Variants in SON observed in about 807,000 individuals in gnomAD.
SON encodes the protein protein SON.
Under a neutral mutation model 173.3 loss-of-function variants are expected in SON, and 4 were observed. The ratio of observed to expected loss-of-function variants is 0.02; its 90% CI spans 0.01 to 0.05. SON has a LOEUF of 0.05. Ranked by LOEUF, SON falls within the 10% of genes least tolerant of loss-of-function variation. SON has a pLI of 1.00. For missense variants in SON, 2,626 were observed against 3,055.3 expected (o/e 0.86, Z 3.31); for synonymous variants, 1,190 against 1,105.9 (o/e 1.08, Z -1.51).
chr21:33,565,001 A>C (rs1333165300), intron 6 of SON, among the ~76,000 whole-genome samples: 1 of 152,176 alleles, frequency 6.6e-6, no homozygotes, highest in African/African-American at 2.4e-5. Context: ...CATAGTTGTA[A>C]TTTTATTTAA....
In SON at chr21:33,554,560, G is replaced by C; in HGVS notation, c.5329G>C (p.Glu1777Gln). The C allele has an allele frequency of 6.2e-7, 1 of 1,613,998 alleles. No homozygotes were observed. Among genetic ancestry groups the C allele is most frequent in the Non-Finnish European group, 8.5e-7 (1 of 1,180,040 alleles). Reference protein sequence around the residue: ...AASPVVSSMPERASESSSEEK... With the variant: ...AASPVVSSMPQRASESSSEEK... ...CAGCCCGGTTGTAAGTAGTATGCCA[G>C]AAAGAGCTTCAGAGTCTTCTTCAGA... The change falls in exon 3 of 12, where the codon GAA (glutamate) becomes CAA (glutamine). Residue 1777 changes from glutamate to glutamine, a missense_variant. Physicochemically the swap from Glu to Gln is conservative, Grantham distance 29. Transcript: ENST00000356577.
intron 8 of SON, chr21:33,569,536 C>T (rs1239494023): frequency 2.0e-5 from 8 of 397,730 alleles, no homozygotes; most frequent in Non-Finnish European, 4.1e-5. Context: ...ATTTTCCATT[C>T]CTCTATTCCT....
rs2085824336 is a variant in SON at position 33,552,459 on chromosome 21, C to G, written c.3228C>G (p.Ser1076=). Residue 1076 remains serine, a synonymous_variant, in exon 3 of 12, where the codon TCC becomes TCG. Coordinates refer to ENST00000356577, the MANE Select transcript of SON (RefSeq NM_138927.4). The surrounding 1 kb of genome is among the most constrained non-coding windows in gnomAD (Gnocchi z 5.6). ...MMSAYERSMM[S]PMADRSMMSM... ...CAGCTTATGAACGCTCCATGATGTCCCCAATGGCTGATCGATCTATGATGT... is the reference window on the plus strand; with the variant it reads ...CAGCTTATGAACGCTCCATGATGTCGCCAATGGCTGATCGATCTATGATGT... 2 of 1,613,954 alleles carry G rather than the reference C, an allele frequency of 1.2e-6. No homozygotes were observed. Among genetic ancestry groups the G allele is most frequent in the Non-Finnish European group, 1.7e-6 (2 of 1,179,982 alleles).
At chr21:33,546,926 A>G (rs988181944) in intron 2 of SON, 2 of 151,992 alleles carry the variant, frequency 1.3e-5, no homozygotes, top group African/African-American at 2.4e-5. Flanking sequence ...TATAATTTTT[A>G]TTTTTGACTT....
chr21:33,569,350 T>G, intron 8 of SON: 1 of 403,728 alleles, frequency 2.5e-6, no homozygotes, highest in Admixed American at 4.2e-5. Context: ...TGATTTAACT[T>G]TATTTTGAAC....
chr21:33,566,453 GA>G (rs1200560536), intron 6 of SON, among the ~76,000 whole-genome samples: 1 of 152,084 alleles, frequency 6.6e-6, no homozygotes, highest in Non-Finnish European at 1.5e-5. Context: ...TTAAAAGGTA[GA>G]ATATGAGCTT....
In SON at chr21:33,551,288, C is replaced by T. The variant is rs766074615; in HGVS notation, c.2057C>T (p.Thr686Met). 38 of 1,613,994 alleles carry T rather than the reference C, an allele frequency of 2.4e-5. No individual in the cohort carries two copies. The highest frequency in any genetic ancestry group is 5.0e-5 in the Admixed American group (3 of 60,006). ...ACGACAGCGCTGGAATCCTATAATA[C>T]GGTAGCACAGGAGCTGCCTACTACA... ...PSTTALESYN[T>M]VAQELPTTLV... The change falls in exon 3 of 12, where the codon ACG (threonine) becomes ATG (methionine). Residue 686 changes from threonine (T) to methionine (M), a missense_variant. Thr to Met is a moderately conservative substitution (Grantham distance 81). Around this residue, in one of 13 missense-constraint regions of SON, gnomAD observed 182 missense variants for 193.6 expected, o/e 0.94. Transcript: ENST00000356577.
intron 6 of SON, among the ~76,000 whole-genome samples, chr21:33,562,958 G>A (rs1303134759): frequency 1.3e-5 from 2 of 152,048 alleles, no homozygotes; most frequent in Non-Finnish European, 2.9e-5. Context: ...TCTAGTGAAT[G>A]CTTAGATGTT....
At chr21:33,575,541 C>T in intron 9 of SON, 55 bp from the exon 10 acceptor site, 2 of 1,371,204 alleles carry the variant, frequency 1.5e-6, no homozygotes, top group African/African-American at 2.9e-5. Flanking sequence ...ACAGAGGGAT[C>T]TTTGTTTTAA....
chr21:33,553,973 A>C lies in SON; in HGVS notation c.4742A>C (p.Tyr1581Ser). ...AAACAGCGCACAGTATTGGATACCT[A>C]CCCTGGTGTTAGTGAAGCTGATGCA... ...ETKQRTVLDT[Y>S]PGVSEADAGE... Residue 1581 changes from tyrosine (Y) to serine (S), a missense_variant, in exon 3 of 12, where the codon TAC becomes TCC. Physicochemically the swap from Tyr to Ser is moderately radical, Grantham distance 144. This residue lies in a region of SON where 1,006 missense variants were observed against 895.6 expected (regional missense o/e 1.12). Coordinates refer to ENST00000356577, the MANE Select transcript of SON (RefSeq NM_138927.4). 6.2e-7 allele frequency: 1 copy of C among 1,614,112 alleles called. No homozygotes were observed. Among genetic ancestry groups the C allele is most frequent in the Non-Finnish European group, 8.5e-7 (1 of 1,180,002 alleles).
chr21:33,546,467 A>G, intron 2 of SON, 88 bp downstream of exon 2: 1 of 1,026,632 alleles, frequency 9.7e-7, no homozygotes, highest in Non-Finnish European at 1.4e-6. Flanking sequence ...TGACTTCAGT[A>G]TTTAAGATAT....
chr21:33,557,581 T>A (rs2085992439), intron 4 of SON: 2 of 1,550,568 alleles, frequency 1.3e-6, no homozygotes, highest in Non-Finnish European at 1.7e-6. Flanking sequence ...GTGGGACGGT[T>A]CGTTTGAATG....
rs188399569 is a variant in SON at position 33,554,720 on chromosome 21, A to G, written c.5489A>G (p.Lys1830Arg). Reference sequence around the variant, plus strand: ...TTAAGATCTCGAAGTAAGCGTTCCAAATCTTCTGAACACAAATCACGCAAG... The same window carrying G: ...TTAAGATCTCGAAGTAAGCGTTCCAGATCTTCTGAACACAAATCACGCAAG... ...SSLRSRSKRS[K>R]SSEHKSRKRT... Residue 1830 changes from lysine (K) to arginine (R), a missense_variant, in exon 3 of 12, where the codon AAA (lysine) becomes AGA (arginine). Lys to Arg is a conservative substitution (Grantham distance 26). Coordinates refer to ENST00000356577, the MANE Select transcript of SON (RefSeq NM_138927.4). 288 of 1,613,922 alleles carry G rather than the reference A, an allele frequency of 1.8e-4. No individual in the cohort carries two copies. Among genetic ancestry groups the G allele is most frequent in the Non-Finnish European group, 2.4e-4 (284 of 1,180,032 alleles).
chr21:33,551,543 T>G lies in SON; in HGVS notation c.2312T>G (p.Met771Arg). 1 of 1,613,962 alleles carries G rather than the reference T, an allele frequency of 6.2e-7. No individual in the cohort carries two copies. Among genetic ancestry groups the G allele is most frequent in the Non-Finnish European group, 8.5e-7 (1 of 1,179,972 alleles). Residue 771 changes from methionine (M) to arginine (R), a missense_variant, in exon 3 of 12, where the codon ATG becomes AGG. This residue lies in a region of SON where 182 missense variants were observed against 193.6 expected (regional missense o/e 0.94). Coordinates refer to ENST00000356577, the MANE Select transcript of SON (RefSeq NM_138927.4). ...MDSQMLATSS[M>R]DSQMLATSSM... ...TCCCAGATGTTAGCAACTAGCTCCA[T>G]GGACTCCCAGATGTTAGCAACTAGC...
At chr21:33,575,134 C>G (rs2086369474) in intron 9 of SON, among the ~76,000 whole-genome samples, 1 of 152,102 alleles carries the variant, frequency 6.6e-6, no homozygotes, top group South Asian at 2.1e-4. Flanking sequence ...CTTCCAGGTT[C>G]AAGCGATTCT....
chr21:33,566,749 A>C (rs2086180153), intron 6 of SON, among the ~76,000 whole-genome samples: 1 of 152,186 alleles, frequency 6.6e-6, no homozygotes. Flanking sequence ...AGGTTATGCT[A>C]ATGAGTAAAA....
rs1285389999 is a variant in SON at position 33,552,581 on chromosome 21, C to G, written c.3350C>G (p.Ser1117Cys). The change falls in exon 3 of 12, where the codon TCT (serine) becomes TGT (cysteine). Residue 1117 changes from serine (S) to cysteine (C), a missense_variant. By Grantham distance (112) the Ser-to-Cys change is moderately radical. Around this residue, in one of 13 missense-constraint regions of SON, gnomAD observed 366 missense variants for 448.6 expected, o/e 0.82. Coordinates refer to ENST00000356577, the MANE Select transcript of SON (RefSeq NM_138927.4). The surrounding 1 kb of genome is among the most constrained non-coding windows in gnomAD (Gnocchi z 5.6). ...YSAADRSMMS[S>C]YTADRSMMSM... ...GCAGCTGACCGATCTATGATGTCATCTTATACTGCTGATCGTTCAATGATG... is the reference window on the plus strand; with the variant it reads ...GCAGCTGACCGATCTATGATGTCATGTTATACTGCTGATCGTTCAATGATG... 2.5e-6 allele frequency: 4 copies of G among 1,614,012 alleles called. No individual in the cohort carries two copies. The African/African-American group carries it at 5.3e-5, about 22-fold the overall frequency.
Position 33,554,061 on chromosome 21 carries a change from G to A in SON, c.4830G>A (p.Lys1610=), listed in dbSNP as rs778624063. The change falls in exon 3 of 12, where the codon AAG becomes AAA. Residue 1610 remains lysine, a synonymous_variant. Coordinates refer to ENST00000356577, the MANE Select transcript of SON (RefSeq NM_138927.4). ...ALEPDATGTS[K]GIEFTTASTL... is the part of the protein sequence containing the mutation. ...AACCTGATGCAACAGGAACTAGTAA[G>A]GGTATTGAATTTACCACAGCATCTA... 6.8e-6 allele frequency: 11 copies of A among 1,613,950 alleles called. No homozygotes were observed. The Admixed American group carries it at 8.3e-5, about 12-fold the overall frequency.
chr21:33,568,476 A>G (rs892800625), intron 7 of SON, among the ~76,000 whole-genome samples: 1 of 152,254 alleles, frequency 6.6e-6, no homozygotes, highest in African/African-American at 2.4e-5. Flanking sequence ...AGCCTGGGCA[A>G]CAAGAGAGAA....
Sources: gnomAD v4.1 joint callset for allele counts (sites outside exome capture counted in the v4.1 genomes callset) on GRCh38, gnomAD v4.1.1 for gene constraint, gnomAD v4.1.1 regional missense constraint, Gnocchi (gnomAD v3.1) non-coding constraint, MANE v1.5 for transcripts, NCBI Gene and HGNC (gene_info 2026-07-23, HGNC 2026-07-21) for gene names.